MAD2L1BP: variants seen among roughly 807,000 people sequenced by gnomAD.
MAD2L1BP encodes MAD2L1 binding protein.
MAD2L1BP carries 22 observed loss-of-function variants against 28.4 expected under a neutral mutation model. The observed-to-expected ratio is 0.77, with a 90% CI of 0.55 to 1.10. The LOEUF (loss-of-function observed/expected upper bound fraction) is 1.10, where lower values mean the gene tolerates loss of function less well. Among genes scored for constraint, MAD2L1BP ranks in the 50% least tolerant of loss-of-function variants. The probability of loss-of-function intolerance (pLI) is 0.00; values close to 1 mark genes in which losing one functional copy is unlikely to be tolerated. For synonymous variants in MAD2L1BP, 146 were observed against 133.7 expected (o/e 1.09, Z -0.63); for missense variants, 325 against 350.5 (o/e 0.93, Z 0.58).
intron 2 of MAD2L1BP, among the ~76,000 whole-genome samples, chr6:43,639,144 CTTTTT>C (rs112595245): frequency 6.9e-6 from 1 of 145,584 alleles, no homozygotes; most frequent in Admixed American, 6.9e-5. Context: ...CATCTTCTTT[CTTTTT>C]TTTTTTTTGA....
In MAD2L1BP at chr6:43,640,261, G is replaced by T. The variant is rs762315164; in HGVS notation, c.553G>T (p.Ala185Ser). The change falls in exon 3 of 3, where the codon GCT becomes TCT. Residue 185 changes from alanine (A) to serine (S), a missense_variant. Coordinates refer to ENST00000372171, the MANE Select transcript of MAD2L1BP (RefSeq NM_014628.3). ...YSVDQSLSTA[A>S]CLRRLFRAIF... ...CGTGGACCAGAGCCTGAGCACAGCA[G>T]CTTGTTTGCGCCGTCTCTTCCGAGC... The T allele has an allele frequency of 6.2e-7, 1 of 1,613,766 alleles. No homozygotes were observed. Among genetic ancestry groups the T allele is most frequent in the East Asian group, 2.2e-5 (1 of 44,870 alleles).
At chr6:43,630,908 CA>C (rs753239311), upstream of MAD2L1BP, among the ~76,000 whole-genome samples, 2,377 of 53,660 alleles carry the variant, frequency 0.044, 8 homozygotes, top group Non-Finnish European at 0.055. Flanking sequence ...GACTTCGTCT[CA>C]AAAAAAAAAA....
In MAD2L1BP at chr6:43,640,024, G is replaced by T; in HGVS notation, c.316G>T (p.Glu106Ter). Residue 106 changes from glutamate (E) to a stop codon, truncating the protein, a stop_gained, in exon 3 of 3, where the codon GAG becomes TAG. Transcript: ENST00000372171. LOFTEE classifies it high-confidence loss of function. ...CCACCATTCTTTGTCCTCACAGGCAGAGGAGATGCTGAAGAAGAAACCTCG... is the reference window on the plus strand; with the variant it reads ...CCACCATTCTTTGTCCTCACAGGCATAGGAGATGCTGAAGAAGAAACCTCG... ...HFYRKPSPQAEEMLKKKPRAT... is the reference protein window; with the variant it reads ...HFYRKPSPQA The T allele has an allele frequency of 6.6e-7, 1 of 1,524,912 alleles. No homozygotes were observed. The highest frequency in any genetic ancestry group is 1.3e-5 in the South Asian group (1 of 76,888). 94.5% of individuals were successfully genotyped at this position (1,524,912 alleles called of 1,614,324 possible).
Position 43,640,145 on chromosome 6 carries a change from T to C in MAD2L1BP, c.437T>C (p.Leu146Pro). 3 of 1,612,994 alleles carry C rather than the reference T, an allele frequency of 1.9e-6. No individual in the cohort carries two copies. Among genetic ancestry groups the C allele is most frequent in the Non-Finnish European group, 2.5e-6 (3 of 1,179,294 alleles). Residue 146 changes from leucine (L) to proline (P), a missense_variant, in exon 3 of 3, where the codon CTA (leucine) becomes CCA (proline). Transcript: ENST00000372171. ...SHLEDFFARTLVPRVLILLGG... is the reference protein window; with the variant it reads ...SHLEDFFARTPVPRVLILLGG... Reference sequence around the variant, plus strand: ...CTGGAGGACTTCTTTGCACGGACACTAGTACCGCGAGTGCTGATTCTCCTT... The same window carrying C: ...CTGGAGGACTTCTTTGCACGGACACCAGTACCGCGAGTGCTGATTCTCCTT...
upstream of MAD2L1BP, among the ~76,000 whole-genome samples, chr6:43,631,358 T>C (rs574937439): frequency 4.6e-5 from 7 of 152,278 alleles, no homozygotes; most frequent in Admixed American, 3.3e-4. Flanking sequence ...AGGATGAGAA[T>C]TGGAAGGAAG....
rs953680914 is a variant in MAD2L1BP at position 43,640,796 on chromosome 6, G to C, written c.*263G>C. The stretch of plus-strand genomic sequence containing the variant: ...GTGCTGGGTCAGGCATTTCTATTAG[G>C]AGTTGGAAAGCAAAAATGGGTCCAT... On this transcript the variant is annotated 3_prime_UTR_variant, in exon 3 of 3. Transcript: ENST00000372171. The C allele has an allele frequency of 5.3e-5, 22 of 417,392 alleles. No homozygotes were observed. Among genetic ancestry groups the C allele is most frequent in the Non-Finnish European group, 9.0e-5 (21 of 234,354 alleles). The allele number at this position is 417,392 out of a possible 1,614,324, so 25.9% of individuals were successfully genotyped here.
Position 43,640,538 on chromosome 6 carries a change from G to A in MAD2L1BP, c.*5G>A. On this transcript the variant is annotated 3_prime_UTR_variant, in exon 3 of 3. Coordinates refer to ENST00000372171, the MANE Select transcript of MAD2L1BP (RefSeq NM_014628.3). ...TTTAAAGGCTTCCGCGAGTGAATGA[G>A]TGCTTCTTAATCCTAAAAACACAAT... 6.4e-7 allele frequency: 1 copy of A among 1,562,990 alleles called. No individual in the cohort carries two copies. The highest frequency in any genetic ancestry group is 1.2e-5 in the South Asian group (1 of 83,374).
At chr6:43,637,249 G>C (rs989623197) in intron 2 of MAD2L1BP, among the ~76,000 whole-genome samples, 1 of 150,944 alleles carries the variant, frequency 6.6e-6, no homozygotes, top group South Asian at 2.1e-4. Flanking sequence ...ATTTTTGGTA[G>C]AGACGGGGTT....
intron 2 of MAD2L1BP, chr6:43,636,883 A>G: frequency 1.9e-6 from 1 of 535,680 alleles, no homozygotes; most frequent in Non-Finnish European, 3.3e-6. Context: ...GGCTCTTTGC[A>G]TTTTTTTCTT....
At chr6:43,635,979 C>G in intron 1 of MAD2L1BP, 58 bp downstream of exon 1, 1 of 1,483,732 alleles carries the variant, frequency 6.7e-7, no homozygotes, top group South Asian at 1.2e-5. Flanking sequence ...TCCCTACCGC[C>G]GCGCCATCCA....
Position 43,640,473 on chromosome 6 carries a change from G to A in MAD2L1BP, c.765G>A (p.Thr255=), listed in dbSNP as rs755151670. The A allele has an allele frequency of 9.9e-6, 16 of 1,612,328 alleles. No individual in the cohort carries two copies. Among genetic ancestry groups the A allele is most frequent in the African/African-American group, 1.3e-5 (1 of 74,892 alleles). Residue 255 remains threonine, a synonymous_variant, in exon 3 of 3, where the codon ACG becomes ACA. Coordinates refer to ENST00000372171, the MANE Select transcript of MAD2L1BP (RefSeq NM_014628.3). The part of the protein sequence containing the change: ...LSCGRPSIRT[T]AWEDYIWFQA... The stretch of plus-strand genomic sequence containing the variant: ...GTGGCAGACCTTCCATCCGAACCAC[G>A]GCTTGGGAAGACTACATTTGGTTCC...
rs1464466117 is a variant in MAD2L1BP, at chr6:43,640,083, A to G, written c.375A>G (p.Gln125=). The G allele has an allele frequency of 1.9e-6, 3 of 1,588,006 alleles. No homozygotes were observed. The highest frequency in any genetic ancestry group is 1.1e-5 in the South Asian group (1 of 88,352). The change falls in exon 3 of 3, where the codon CAA becomes CAG. Residue 125 remains glutamine, a synonymous_variant. Transcript: ENST00000372171. ...ATTEVSSRKC[Q]QALAELESVL... is the part of the protein sequence containing the mutation. The stretch of plus-strand genomic sequence containing the variant: ...CTGAGGTGAGCAGCAGGAAATGCCA[A>G]CAAGCCCTGGCAGAACTGGAGAGTG...
intron 1 of MAD2L1BP, chr6:43,629,799 C>T: frequency 1.3e-6 from 2 of 1,560,750 alleles, no homozygotes; most frequent in South Asian, 1.2e-5. Context: ...AGGGCGGAGG[C>T]GGATGGTGAT....
chr6:43,638,456 C>G (rs1770376543), intron 2 of MAD2L1BP, among the ~76,000 whole-genome samples: 1 of 151,962 alleles, frequency 6.6e-6, no homozygotes, highest in African/African-American at 2.4e-5. Flanking sequence ...TTGTTCTGGA[C>G]TTTGACTTTC....
chr6:43,636,032 C>G (rs992086971), intron 1 of MAD2L1BP, 111 bp downstream of exon 1: 12 of 1,122,344 alleles, frequency 1.1e-5, no homozygotes, highest in Non-Finnish European at 1.5e-5. Flanking sequence ...TCTTCCCTGT[C>G]TTCCGGGTGT....
chr6:43,630,327 G>A (rs1351250260), intron 1 of MAD2L1BP, among the ~76,000 whole-genome samples: 2 of 152,198 alleles, frequency 1.3e-5, no homozygotes, highest in South Asian at 2.1e-4. Flanking sequence ...GCTGAGCTGC[G>A]AGTCAGGACG....
Position 43,636,406 on chromosome 6 carries a change from A to G in MAD2L1BP, c.72A>G (p.Glu24=). 1 of 1,614,166 alleles carries G rather than the reference A, an allele frequency of 6.2e-7. No homozygotes were observed. The highest frequency in any genetic ancestry group is 2.2e-5 in the East Asian group (1 of 44,880). Reference sequence around the variant, plus strand: ...ATTTGGAGTGGTATGAGAAGTCCGAAGAAACTCACGCCTCCCAGATAGAAC... The same window carrying G: ...ATTTGGAGTGGTATGAGAAGTCCGAGGAAACTCACGCCTCCCAGATAGAAC... ...VPDLEWYEKS[E]ETHASQIELL... is the part of the protein sequence containing the mutation. The change falls in exon 2 of 3, where the codon GAA becomes GAG. Residue 24 remains glutamate (E), a synonymous_variant. Transcript: ENST00000372171.
intron 2 of MAD2L1BP, among the ~76,000 whole-genome samples, chr6:43,637,691 C>T (rs1372745236): frequency 6.6e-6 from 1 of 151,670 alleles, no homozygotes; most frequent in Non-Finnish European, 1.5e-5. Context: ...CTCCGCCTCC[C>T]AGGTTCAAGT....
At chr6:43,636,041 G>C (rs897470137) in intron 1 of MAD2L1BP, 120 bp downstream of exon 1, 41 of 1,031,110 alleles carry the variant, frequency 4.0e-5, no homozygotes, top group Non-Finnish European at 5.3e-5. Context: ...TCTTCCGGGT[G>C]TCCTACACGG....
Sources: allele counts gnomAD v4.1 joint callset (sites outside exome capture counted in the v4.1 genomes callset), GRCh38; gene constraint gnomAD v4.1.1; transcripts MANE v1.5; gene names NCBI Gene and HGNC (gene_info 2026-07-23, HGNC 2026-07-21).